Variants in MARCHF11 observed in about 807,000 individuals in gnomAD.
MARCHF11 encodes membrane associated ring-CH-type finger 11.
A neutral mutation model predicts 37.3 loss-of-function variants in MARCHF11; 29 were observed. The observed-to-expected ratio is 0.78, with a 90% confidence interval of 0.58 to 1.06. MARCHF11 has a LOEUF of 1.06. MARCHF11 is among the 50% of genes least tolerant of loss of function. The probability of loss-of-function intolerance (pLI) is 0.00; values close to 1 mark genes in which losing one functional copy is unlikely to be tolerated. For missense variants in MARCHF11, 482 were observed against 533.4 expected (o/e 0.90, Z 0.95); for synonymous variants, 233 against 228.0 (o/e 1.02, Z -0.20).
chr5:16,150,111 T>C (rs1737867440), intron 2 of MARCHF11, among the ~76,000 whole-genome samples: 1 of 149,498 alleles, frequency 6.7e-6, no homozygotes, highest in Non-Finnish European at 1.5e-5. Context: ...GGTGTACATG[T>C]ATAAAAGATT....
chr5:16,115,708 A>G (rs186217460), intron 2 of MARCHF11, among the ~76,000 whole-genome samples: 1 of 151,668 alleles, frequency 6.6e-6, no homozygotes, highest in East Asian at 1.9e-4. Context: ...GCTCACTGCA[A>G]CCTCCACTTC....
intron 2 of MARCHF11, among the ~76,000 whole-genome samples, chr5:16,101,504 G>T (rs1426760029): frequency 6.6e-6 from 1 of 152,200 alleles, no homozygotes; most frequent in Non-Finnish European, 1.5e-5. Flanking sequence ...TTCCCCAAGT[G>T]TCAACTGTCT....
intron 2 of MARCHF11, among the ~76,000 whole-genome samples, chr5:16,170,873 G>T (rs1579426405): frequency 6.6e-6 from 1 of 152,094 alleles, no homozygotes; most frequent in East Asian, 1.9e-4. Flanking sequence ...ACTGCAGACA[G>T]CCTGGGGTGG....
intron 2 of MARCHF11, among the ~76,000 whole-genome samples, chr5:16,157,017 A>G (rs1471165837): frequency 6.6e-6 from 1 of 151,938 alleles, no homozygotes; most frequent in Non-Finnish European, 1.5e-5. Flanking sequence ...TATGCTCTAC[A>G]TTTTGCTAAA....
chr5:16,176,458 T>C (rs1198961818), intron 2 of MARCHF11, among the ~76,000 whole-genome samples: 2 of 152,236 alleles, frequency 1.3e-5, no homozygotes, highest in Admixed American at 6.5e-5. Context: ...TCAGAGGTTC[T>C]TGGAAAAGGT....
At chr5:16,079,594 C>A (rs542745690) in intron 3 of MARCHF11, among the ~76,000 whole-genome samples, 8 of 152,324 alleles carry the variant, frequency 5.3e-5, no homozygotes, top group Admixed American at 5.2e-4. Flanking sequence ...GATCTTGTGG[C>A]CTTGCTCTGG....
At chr5:16,104,563 G>C (rs780040108) in intron 2 of MARCHF11, among the ~76,000 whole-genome samples, 1 of 152,058 alleles carries the variant, frequency 6.6e-6, no homozygotes, top group Non-Finnish European at 1.5e-5. Context: ...TTATTTGTCC[G>C]GTTGGTGTGT....
intron 2 of MARCHF11, among the ~76,000 whole-genome samples, chr5:16,092,119 C>CG (rs1736799051): frequency 6.6e-6 from 1 of 152,194 alleles, no homozygotes; most frequent in South Asian, 2.1e-4. Context: ...AAACCCTTTA[C>CG]TTACCTTCAA....
At chr5:16,134,160 C>T (rs541380546) in intron 2 of MARCHF11, among the ~76,000 whole-genome samples, 3 of 152,252 alleles carry the variant, frequency 2.0e-5, no homozygotes, top group African/African-American at 7.2e-5. Context: ...AAGGCAGTCA[C>T]TCATAATACT....
chr5:16,076,762 T>C (rs1736524791), intron 3 of MARCHF11, among the ~76,000 whole-genome samples: 1 of 152,188 alleles, frequency 6.6e-6, no homozygotes, highest in Non-Finnish European at 1.5e-5. Context: ...ACCTAGGAAG[T>C]GTCTGAGCCC....
intron 3 of MARCHF11, among the ~76,000 whole-genome samples, chr5:16,069,362 A>C (rs1736399195): frequency 6.6e-6 from 1 of 152,184 alleles, no homozygotes; most frequent in Non-Finnish European, 1.5e-5. Context: ...TGAAGAAGGA[A>C]GGAAAGAAAC....
intron 3 of MARCHF11, among the ~76,000 whole-genome samples, chr5:16,084,014 CAG>C (rs1306366664): frequency 6.6e-6 from 1 of 152,064 alleles, no homozygotes; most frequent in Non-Finnish European, 1.5e-5. Context: ...TCATACAACA[CAG>C]AGTTAGTAAA....
intron 2 of MARCHF11, among the ~76,000 whole-genome samples, chr5:16,095,464 G>T (rs1241533588): frequency 2.7e-5 from 2 of 73,290 alleles, no homozygotes; most frequent in Non-Finnish European, 5.5e-5. Flanking sequence ...AGGGAAGGAG[G>T]GAAGGAAGGA....
chr5:16,169,463 G>A (rs945286002), intron 2 of MARCHF11, among the ~76,000 whole-genome samples: 4 of 152,076 alleles, frequency 2.6e-5, no homozygotes, highest in African/African-American at 9.7e-5. Context: ...TAGAGAGAAA[G>A]CATCTTTTTA....
chr5:16,110,021 G>T (rs1337811575), intron 2 of MARCHF11, among the ~76,000 whole-genome samples: 3 of 152,092 alleles, frequency 2.0e-5, no homozygotes, highest in Non-Finnish European at 2.9e-5. Flanking sequence ...TGTTAAGAGG[G>T]TCAAGTTCCC....
intron 2 of MARCHF11, among the ~76,000 whole-genome samples, chr5:16,130,450 T>C (rs1737498893): frequency 6.6e-6 from 1 of 152,154 alleles, no homozygotes; most frequent in Non-Finnish European, 1.5e-5. Flanking sequence ...ATTATGAATA[T>C]AGTTTTGTTG....
chr5:16,143,780 G>C (rs1339753395), intron 2 of MARCHF11, among the ~76,000 whole-genome samples: 5 of 152,228 alleles, frequency 3.3e-5, no homozygotes, highest in Non-Finnish European at 7.3e-5. Flanking sequence ...TGGAGCAGAG[G>C]TACAGCCAGA....
chr5:16,173,338 C>A (rs181959259), intron 2 of MARCHF11, among the ~76,000 whole-genome samples: 5 of 152,284 alleles, frequency 3.3e-5, no homozygotes, highest in Admixed American at 6.5e-5. Context: ...GTTACATGCA[C>A]CCACCTGACA....
At chr5:16,154,177 G>C (rs977565005) in intron 2 of MARCHF11, among the ~76,000 whole-genome samples, 3 of 151,898 alleles carry the variant, frequency 2.0e-5, no homozygotes, top group Admixed American at 6.6e-5. Context: ...TGGTATTTTT[G>C]GGAGAGTGAT....
Sources: allele counts gnomAD v4.1 joint callset (sites outside exome capture counted in the v4.1 genomes callset), GRCh38; gene constraint gnomAD v4.1.1; transcripts MANE v1.5; gene names NCBI Gene and HGNC (gene_info 2026-07-23, HGNC 2026-07-21).